NEK11: variants seen among roughly 807,000 people sequenced by gnomAD.
NEK11 encodes the protein serine/threonine-protein kinase Nek11.
NEK11 carries 72 observed loss-of-function variants against 80.7 expected under a neutral mutation model. The ratio of observed to expected loss-of-function variants is 0.89; its 90% CI spans 0.74 to 1.08. The LOEUF (loss-of-function observed/expected upper bound fraction) is 1.08, where lower values mean the gene tolerates loss of function less well. Ranked by LOEUF, NEK11 falls within the 50% of genes least tolerant of loss-of-function variation. The probability of loss-of-function intolerance (pLI) is 0.00; values close to 1 mark genes in which losing one functional copy is unlikely to be tolerated. For missense variants in NEK11, 764 were observed against 763.6 expected (o/e 1.00, Z -0.01); for synonymous variants, 251 against 260.7 (o/e 0.96, Z 0.36).
At chr3:131,104,279 C>T (rs142809478) in intron 4 of NEK11, among the ~76,000 whole-genome samples, 29 of 152,194 alleles carry the variant, frequency 1.9e-4, no homozygotes, top group African/African-American at 6.7e-4. Flanking sequence ...TGCAGAACCA[C>T]CACTAACTGA....
At chr3:131,044,422 C>T (rs1475380806) in intron 3 of NEK11, among the ~76,000 whole-genome samples, 2 of 37,764 alleles carry the variant, frequency 5.3e-5, no homozygotes, top group African/African-American at 3.0e-4. Context: ...AAATGGAAAG[C>T]AAAAAAAAAA....
intron 17 of NEK11, among the ~76,000 whole-genome samples, chr3:131,297,888 C>A (rs2096614504): frequency 1.3e-5 from 2 of 152,092 alleles, no homozygotes; most frequent in African/African-American, 4.8e-5. Flanking sequence ...ATATGGCTAG[C>A]CAGTTTTCCC....
chr3:131,084,278 G>T (rs2075688532), intron 4 of NEK11, among the ~76,000 whole-genome samples: 1 of 152,118 alleles, frequency 6.6e-6, no homozygotes, highest in Non-Finnish European at 1.5e-5. Context: ...TCACATCGTG[G>T]ACCCACATAG....
chr3:131,296,250 C>G (rs1038439312), intron 17 of NEK11, among the ~76,000 whole-genome samples: 9 of 152,124 alleles, frequency 5.9e-5, no homozygotes, highest in African/African-American at 2.2e-4. Flanking sequence ...TACCATCACT[C>G]CATTTATATA....
intron 3 of NEK11, among the ~76,000 whole-genome samples, chr3:131,066,407 A>G (rs1032422584): frequency 1.3e-5 from 2 of 152,074 alleles, no homozygotes; most frequent in African/African-American, 4.8e-5. Flanking sequence ...TTTCCGGATT[A>G]TTCAGACTAT....
chr3:131,272,463 C>CTTTTTTTTTTTTT lies in NEK11; in HGVS notation c.1622-997_1622-985dup, dbSNP rs869304359. 1.9e-3 allele frequency among the ~76,000 whole-genome samples: 84 copies of CTTTTTTTTTTTTT among 43,896 alleles called. 12 individuals are homozygous for CTTTTTTTTTTTTT. Among genetic ancestry groups the CTTTTTTTTTTTTT allele is most frequent in the East Asian group, 3.7e-3 (4 of 1,068 alleles). 28.8% of individuals were successfully genotyped at this position (43,896 alleles called of 152,430 possible). Reference sequence around the variant, plus strand: ...CTTGCTAATGGGCCAGTTTTAGCTTCTTTTTTTTTTTTTTTTTTTTTTTTT... The same window carrying CTTTTTTTTTTTTT: ...CTTGCTAATGGGCCAGTTTTAGCTTCTTTTTTTTTTTTTTTTTTTTTTTTTTTTTTTTTTTTTT... On this transcript the variant is annotated intron_variant, in intron 16 of 17. Transcript: ENST00000383366.
At chr3:131,054,923 G>C (rs2069164018) in intron 3 of NEK11, among the ~76,000 whole-genome samples, 2 of 152,120 alleles carry the variant, frequency 1.3e-5, no homozygotes, top group African/African-American at 4.8e-5. Context: ...GTACAGTTGG[G>C]CAGTTTTTTC....
chr3:131,255,546 C>G (rs1319938928), intron 16 of NEK11, among the ~76,000 whole-genome samples: 1 of 152,164 alleles, frequency 6.6e-6, no homozygotes, highest in African/African-American at 2.4e-5. Context: ...CAATCCCTTC[C>G]TCACACCTTA....
chr3:131,297,130 A>G (rs2096602955), intron 17 of NEK11, among the ~76,000 whole-genome samples: 1 of 152,170 alleles, frequency 6.6e-6, no homozygotes, highest in African/African-American at 2.4e-5. Flanking sequence ...ATACGTATAC[A>G]TGTGTCTTTA....
chr3:131,228,790 G>A (rs2095269358), intron 15 of NEK11, 102 bp downstream of exon 15: 1 of 1,190,900 alleles, frequency 8.4e-7, no homozygotes, highest in Non-Finnish European at 1.2e-6. Context: ...TGGGGACATG[G>A]GGAACAGGGT....
chr3:131,272,463 C>CTTCTTTTTTTTTTT (rs2096210843), intron 16 of NEK11, among the ~76,000 whole-genome samples: 31 of 43,898 alleles, frequency 7.1e-4, no homozygotes, highest in African/African-American at 2.8e-3. Context: ...GTTTTAGCTT[C>CTTCTTTTTTTTTTT]TTTTTTTTTT....
chr3:131,111,909 A>C (rs1378970549), intron 5 of NEK11, among the ~76,000 whole-genome samples: 6 of 152,198 alleles, frequency 3.9e-5, no homozygotes, highest in Admixed American at 3.9e-4. Context: ...CAGACATCAA[A>C]AGGGGTTTTA....
chr3:131,078,841 A>G (rs2074797969), intron 3 of NEK11, among the ~76,000 whole-genome samples: 1 of 150,894 alleles, frequency 6.6e-6, no homozygotes, highest in African/African-American at 2.4e-5. Flanking sequence ...TATAGCCAGC[A>G]TCCAATGTCC....
intron 17 of NEK11, among the ~76,000 whole-genome samples, chr3:131,349,171 G>A (rs539113850): frequency 4.0e-4 from 61 of 152,116 alleles, no homozygotes; most frequent in African/African-American, 1.3e-3. Context: ...TTTCCTGTCC[G>A]CCTCACCCTG....
intron 5 of NEK11, among the ~76,000 whole-genome samples, chr3:131,117,482 C>G (rs1206528524): frequency 6.6e-6 from 1 of 151,912 alleles, no homozygotes; most frequent in Non-Finnish European, 1.5e-5. Context: ...TCCATATGAA[C>G]TTTAGTTTTT....
intron 5 of NEK11, among the ~76,000 whole-genome samples, chr3:131,130,684 T>C (rs2084269775): frequency 6.6e-6 from 1 of 152,102 alleles, no homozygotes; most frequent in African/African-American, 2.4e-5. Context: ...ATTTTTCTTC[T>C]TTATTCTGTT....
At chr3:131,206,675 A>T (rs1016671377) in intron 14 of NEK11, among the ~76,000 whole-genome samples, 4 of 152,004 alleles carry the variant, frequency 2.6e-5, no homozygotes, top group African/African-American at 4.8e-5. Context: ...TTATTTATTT[A>T]TTTTTTTATT....
intron 17 of NEK11, among the ~76,000 whole-genome samples, chr3:131,291,158 G>A (rs1303390728): frequency 2.6e-5 from 4 of 152,068 alleles, no homozygotes; most frequent in African/African-American, 9.7e-5. Context: ...TGCCTTTTCT[G>A]GAATGTCATA....
chr3:131,331,908 G>T (rs2097093528), intron 17 of NEK11, among the ~76,000 whole-genome samples: 1 of 152,226 alleles, frequency 6.6e-6, no homozygotes, highest in Non-Finnish European at 1.5e-5. Context: ...AGCGAGGCTG[G>T]GGGAGGGGCG....
Sources: allele counts gnomAD v4.1 joint callset (sites outside exome capture counted in the v4.1 genomes callset), GRCh38; gene constraint gnomAD v4.1.1; transcripts MANE v1.5; gene names NCBI Gene and HGNC (gene_info 2026-07-23, HGNC 2026-07-21).